Variants in MYLK observed in about 807,000 individuals in gnomAD.
The protein encoded by MYLK is myosin light chain kinase, smooth muscle.
A neutral mutation model predicts 203.4 loss-of-function variants in MYLK; 106 were observed. The ratio of observed to expected loss-of-function variants is 0.52; its 90% CI spans 0.45 to 0.61. The LOEUF (loss-of-function observed/expected upper bound fraction) is 0.61. Among genes scored for constraint, MYLK ranks in the 20% least tolerant of loss-of-function variants. MYLK has a pLI of 0.00. For missense variants in MYLK, 2,072 were observed against 2,442.3 expected, an observed-to-expected ratio of 0.85 and a Z score of 3.20; for synonymous variants, 867 against 959.5, an observed-to-expected ratio of 0.90 and a Z score of 1.78.
At chr3:123,757,184 G>A (rs907714007) in intron 4 of MYLK, among the ~76,000 whole-genome samples, 2 of 152,150 alleles carry the variant, frequency 1.3e-5, no homozygotes, top group Non-Finnish European at 2.9e-5. Context: ...TAAACATTTT[G>A]GTTTTTCTCT....
chr3:123,883,014 G>T (rs1162716029), intron 1 of MYLK, among the ~76,000 whole-genome samples: 1 of 152,254 alleles, frequency 6.6e-6, no homozygotes, highest in East Asian at 1.9e-4. Context: ...ACTTCTCCCA[G>T]AGACTTGCAT....
chr3:123,698,953 AC>A (rs1233049760), intron 18 of MYLK: 1 of 152,036 alleles, frequency 6.6e-6, no homozygotes, highest in Non-Finnish European at 1.5e-5. Context: ...GAGCACTCTG[AC>A]ACCTCAGCTG....
chr3:123,868,642 G>A (rs2032513612), intron 2 of MYLK, among the ~76,000 whole-genome samples: 1 of 152,142 alleles, frequency 6.6e-6, no homozygotes, highest in Admixed American at 6.5e-5. Flanking sequence ...TGACTTTATT[G>A]TGGCCACCTG....
At chr3:123,630,142 G>A (rs1467120318) in intron 29 of MYLK, among the ~76,000 whole-genome samples, 5 of 152,264 alleles carry the variant, frequency 3.3e-5, no homozygotes, top group Non-Finnish European at 5.9e-5. Flanking sequence ...GTGCCCAATG[G>A]ATAGATGGAC....
intron 6 of MYLK, among the ~76,000 whole-genome samples, chr3:123,739,465 G>A (rs1009710986): frequency 6.6e-6 from 1 of 152,312 alleles, no homozygotes; most frequent in South Asian, 2.1e-4. Flanking sequence ...AGGCCCAGTG[G>A]GGGCTCAAGG....
chr3:123,882,218 AGTATG>A (rs2033590638), intron 1 of MYLK, among the ~76,000 whole-genome samples: 1 of 152,152 alleles, frequency 6.6e-6, no homozygotes, highest in Non-Finnish European at 1.5e-5. Flanking sequence ...CCATTAGACT[AGTATG>A]GACAACATGG....
chr3:123,614,647 A>T (rs2057367655), intron 33 of MYLK, among the ~76,000 whole-genome samples: 1 of 152,106 alleles, frequency 6.6e-6, no homozygotes, highest in African/African-American at 2.4e-5. Context: ...ATTTTTTTAA[A>T]GTGATGAGTC....
chr3:123,724,040 A>G (rs945135306), intron 12 of MYLK, among the ~76,000 whole-genome samples: 2 of 149,582 alleles, frequency 1.3e-5, no homozygotes, highest in African/African-American at 4.9e-5. Flanking sequence ...TCTATGGCTT[A>G]TGTATTGTCT....
intron 12 of MYLK, among the ~76,000 whole-genome samples, chr3:123,725,147 G>A (rs142477650): frequency 1.3e-5 from 2 of 152,248 alleles, no homozygotes; most frequent in African/African-American, 2.4e-5. Flanking sequence ...CTGGTACCCC[G>A]AGGGGTGAAG....
At chr3:123,868,923 T>C (rs563971097) in intron 2 of MYLK, among the ~76,000 whole-genome samples, 4 of 152,310 alleles carry the variant, frequency 2.6e-5, no homozygotes, top group Admixed American at 6.5e-5. Context: ...TAACCAGGGG[T>C]GTCACAATGA....
At chr3:123,731,652 A>C (rs1210251591) in intron 11 of MYLK, among the ~76,000 whole-genome samples, 1 of 152,164 alleles carries the variant, frequency 6.6e-6, no homozygotes, top group Non-Finnish European at 1.5e-5. Flanking sequence ...ACTTTCATTT[A>C]TATCAATATT....
intron 4 of MYLK, among the ~76,000 whole-genome samples, chr3:123,771,277 A>T (rs1281529624): frequency 6.6e-6 from 1 of 152,160 alleles, no homozygotes; most frequent in Non-Finnish European, 1.5e-5. Context: ...TTTCTTAGAA[A>T]AGCATCTACT....
rs747090338 is a variant in MYLK, at chr3:123,733,833, C to A, written c.1163G>T (p.Gly388Val). 1.2e-6 allele frequency: 2 copies of A among 1,614,068 alleles called. No homozygotes were observed. Among genetic ancestry groups the A allele is most frequent in the African/African-American group, 2.7e-5 (2 of 75,054 alleles). The change falls in exon 10 of 34, where the codon GGC (glycine) becomes GTC (valine). Residue 388 changes from glycine (G) to valine (V), a missense_variant. Gly to Val is a moderately radical substitution (Grantham distance 109, BLOSUM62 -3). This residue lies in a region of MYLK where 683 missense variants were observed against 643.8 expected (regional missense o/e 1.06). Transcript: ENST00000360304. Reference sequence around the variant, plus strand: ...GCTCACAACATCTTGGCTCCCCAGGCCAGGCTGCCTGGTGGGGAAGGTGGC... The same window carrying A: ...GCTCACAACATCTTGGCTCCCCAGGACAGGCTGCCTGGTGGGGAAGGTGGC... ...RPATFPTRQP[G>V]LGSQDVVSKA...
intron 19 of MYLK, among the ~76,000 whole-genome samples, 170 bp from the exon 20 acceptor site, chr3:123,682,480 G>C (rs1045710135): frequency 3.3e-5 from 5 of 152,214 alleles, no homozygotes; most frequent in Admixed American, 3.3e-4. Flanking sequence ...CACTCTCCAT[G>C]AGAGCATCAA....
chr3:123,819,634 T>C (rs372874221), intron 3 of MYLK, among the ~76,000 whole-genome samples: 1 of 152,188 alleles, frequency 6.6e-6, no homozygotes, highest in Non-Finnish European at 1.5e-5. Context: ...TATCTTAAAA[T>C]GTCATCTACC....
intron 31 of MYLK, chr3:123,622,122 C>G (rs1004162510): frequency 3.9e-5 from 6 of 152,476 alleles, no homozygotes; most frequent in Middle Eastern, 3.4e-3. Context: ...TGGCAGCCCT[C>G]CCTACGTAGT....
At chr3:123,691,788 A>G (rs1280679718) in intron 19 of MYLK, 3 of 152,250 alleles carry the variant, frequency 2.0e-5, no homozygotes, top group African/African-American at 7.2e-5. Context: ...AGACATTTCA[A>G]GGGCAAGAAA....
chr3:123,782,283 A>G (rs2064329133), intron 4 of MYLK, among the ~76,000 whole-genome samples: 1 of 152,234 alleles, frequency 6.6e-6, no homozygotes, highest in African/African-American at 2.4e-5. Context: ...AAGAAATGCA[A>G]TGAGGTAGAA....
At chr3:123,876,264 T>C (rs1256358621) in intron 2 of MYLK, among the ~76,000 whole-genome samples, 1 of 151,984 alleles carries the variant, frequency 6.6e-6, no homozygotes, top group African/African-American at 2.4e-5. Context: ...TCAAAAATCA[T>C]GAACACAGAT....
Sources: gnomAD v4.1 joint callset for allele counts (sites outside exome capture counted in the v4.1 genomes callset) on GRCh38, gnomAD v4.1.1 for gene constraint, gnomAD v4.1.1 regional missense constraint, MANE v1.5 for transcripts, NCBI Gene and HGNC (gene_info 2026-07-23, HGNC 2026-07-21) for gene names.